The following GALNT18 variants were observed in gnomAD, a reference collection of about 807,000 sequenced individuals.
GALNT18 encodes GalNAc-transferase 18.
GALNT18 carries 44 observed loss-of-function variants against 69.5 expected under a neutral mutation model. The observed-to-expected ratio is 0.63, with a 90% CI of 0.50 to 0.81. The LOEUF (loss-of-function observed/expected upper bound fraction) is 0.81. Ranked by LOEUF, GALNT18 falls within the 40% of genes least tolerant of loss-of-function variation. The pLI, the probability that GALNT18 is intolerant of heterozygous loss-of-function variation, is 0.00. For missense variants in GALNT18, 715 were observed against 810.0 expected (o/e 0.88, Z 1.42); for synonymous variants, 364 against 318.2 (o/e 1.14, Z -1.53).
intron 2 of GALNT18, among the ~76,000 whole-genome samples, chr11:11,434,230 G>A (rs140825327): frequency 3.3e-5 from 5 of 152,208 alleles, no homozygotes; most frequent in East Asian, 1.9e-4. Flanking sequence ...CTTCTCTCTC[G>A]CCAGAGAGGA....
chr11:11,350,779 G>C (rs961912359), intron 6 of GALNT18, among the ~76,000 whole-genome samples: 2 of 152,200 alleles, frequency 1.3e-5, no homozygotes, highest in Non-Finnish European at 2.9e-5. Flanking sequence ...AAGCCAGGGT[G>C]AACTTGAAGT....
intron 10 of GALNT18, among the ~76,000 whole-genome samples, chr11:11,286,315 T>G (rs937746729): frequency 1.3e-5 from 2 of 152,234 alleles, no homozygotes; most frequent in Non-Finnish European, 2.9e-5. Flanking sequence ...TCTGAGGTGA[T>G]CGGAAGAAGT....
rs76178933 is a variant in GALNT18 at position 11,598,563 on chromosome 11, C to T, written c.235+22796G>A. 6.6e-3 allele frequency among the ~76,000 whole-genome samples: 1,008 copies of T among 152,224 alleles called. 11 individuals carry two copies. Among genetic ancestry groups the T allele is most frequent in the African/African-American group, 0.023 (972 of 41,530 alleles). ...CTCATCTGAATAATCCAGGATAAAC[C>T]CATCATCTCAAAACCTTAACTAATT... On this transcript the variant is annotated intron_variant, in intron 1 of 10. Coordinates refer to ENST00000227756, the MANE Select transcript of GALNT18 (RefSeq NM_198516.3). This position sits in a 1 kb window ranked among gnomAD's most constrained non-coding sequence, Gnocchi z 4.8.
Position 11,541,731 on chromosome 11 carries a change from G to A in GALNT18, c.235+79628C>T, listed in dbSNP as rs1160594325. ...CCCCAAAGCGTCGCTAGTAGCCTTG[G>A]GGATTCCTCCCTTCAGCCAAGCCTC... On this transcript the variant is annotated intron_variant, in intron 1 of 10. Coordinates refer to ENST00000227756, the MANE Select transcript of GALNT18 (RefSeq NM_198516.3). This position sits in a 1 kb window ranked among gnomAD's most constrained non-coding sequence, Gnocchi z 4.8. Among the ~76,000 whole-genome samples the A allele has an allele frequency of 6.6e-6, 1 of 151,474 alleles. No homozygotes were observed. The highest frequency in any genetic ancestry group is 1.5e-5 in the Non-Finnish European group (1 of 67,938).
intron 3 of GALNT18, among the ~76,000 whole-genome samples, chr11:11,400,657 C>G (rs1854440976): frequency 6.6e-6 from 1 of 152,200 alleles, no homozygotes; most frequent in Admixed American, 6.5e-5. Context: ...TGTCTTCTTG[C>G]TGTGTCCTCA....
intron 3 of GALNT18, among the ~76,000 whole-genome samples, chr11:11,400,156 A>G (rs1854427959): frequency 1.3e-5 from 2 of 151,948 alleles, no homozygotes; most frequent in Admixed American, 6.6e-5. Flanking sequence ...CTGCCATGTC[A>G]TGAGAAAAGA....
chr11:11,507,681 T>C (rs1417197473), intron 1 of GALNT18, among the ~76,000 whole-genome samples: 5 of 152,254 alleles, frequency 3.3e-5, no homozygotes, highest in African/African-American at 1.2e-4. Flanking sequence ...TAATATTTCA[T>C]GTCAACTTGA....
rs140654959 is a variant in GALNT18, at chr11:11,555,441, A to C, written c.235+65918T>G. ...ATCAGCCCAGGAGTGGCCACGTGCC[A>C]GCAGGCGTGCAGCTTAAAACACAGG... On this transcript the variant is annotated intron_variant, in intron 1 of 10. Transcript: ENST00000227756. This position sits in a 1 kb window ranked among gnomAD's most constrained non-coding sequence, Gnocchi z 4.7. Among the ~76,000 whole-genome samples, 28 of 152,350 alleles carry C rather than the reference A, an allele frequency of 1.8e-4. No individual in the cohort carries two copies. The East Asian group carries it at 5.4e-3, about 29-fold the overall frequency.
In GALNT18 at chr11:11,586,435, T is replaced by G. The variant is rs958459633; in HGVS notation, c.235+34924A>C. Among the ~76,000 whole-genome samples the G allele has an allele frequency of 2.6e-5, 4 of 152,162 alleles. No homozygotes were observed. Among genetic ancestry groups the G allele is most frequent in the Non-Finnish European group, 5.9e-5 (4 of 68,030 alleles). ...AAAGGAGTCCTAAGACCAAAAAGTT[T>G]GAAAACTTCTGGCTTAAACTATAGC... On this transcript the variant is annotated intron_variant, in intron 1 of 10. Coordinates refer to ENST00000227756, the MANE Select transcript of GALNT18 (RefSeq NM_198516.3). This position sits in a 1 kb window ranked among gnomAD's most constrained non-coding sequence, Gnocchi z 4.1.
intron 9 of GALNT18, among the ~76,000 whole-genome samples, chr11:11,312,244 C>T (rs11021784): frequency 0.088 from 13,420 of 152,210 alleles, 760 homozygotes; most frequent in Non-Finnish European, 0.13. Context: ...CCACCACGCC[C>T]GGCCCATGTA....
intron 6 of GALNT18, among the ~76,000 whole-genome samples, chr11:11,360,136 T>C (rs1306524104): frequency 6.6e-6 from 1 of 152,196 alleles, no homozygotes; most frequent in Admixed American, 6.5e-5. Context: ...CCTGCTTCTG[T>C]TGCCCAAGAG....
At chr11:11,279,429 C>T (rs1380470591) in intron 10 of GALNT18, among the ~76,000 whole-genome samples, 1 of 152,174 alleles carries the variant, frequency 6.6e-6, no homozygotes, top group African/African-American at 2.4e-5. Flanking sequence ...CCCAACACTT[C>T]TATCAGAAAC....
At chr11:11,374,446 A>G (rs1850989504) in intron 5 of GALNT18, among the ~76,000 whole-genome samples, 1 of 152,248 alleles carries the variant, frequency 6.6e-6, no homozygotes, top group Non-Finnish European at 1.5e-5. Context: ...TAAATACGTG[A>G]TGATTCAGAA....
chr11:11,513,863 T>C (rs7934617), intron 1 of GALNT18, among the ~76,000 whole-genome samples: 23,109 of 152,184 alleles, frequency 0.15, 1,908 homozygotes, highest in South Asian at 0.22. Flanking sequence ...AATGTGTTTC[T>C]AGGCAGCTAC....
At chr11:11,379,487 C>A (rs1221085748) in intron 3 of GALNT18, among the ~76,000 whole-genome samples, 4 of 152,134 alleles carry the variant, frequency 2.6e-5, no homozygotes, top group African/African-American at 9.7e-5. Context: ...TTCTGAGGTC[C>A]AGCAATGCAC....
rs768250186 is a variant in GALNT18 at position 11,382,388 on chromosome 11, C to T, written c.596-3124G>A. 3.9e-5 allele frequency among the ~76,000 whole-genome samples: 6 copies of T among 152,182 alleles called. No individual in the cohort carries two copies. The South Asian group carries it at 6.2e-4, about 16-fold the overall frequency. On this transcript the variant is annotated intron_variant, in intron 3 of 10. Coordinates refer to ENST00000227756, the MANE Select transcript of GALNT18 (RefSeq NM_198516.3). The surrounding 1 kb of genome is among the most constrained non-coding windows in gnomAD (Gnocchi z 4.3). ...AAGAACTATCCCAAAAATACTTCTG[C>T]GTTGGCTGGAAAATTGCTTTCCAAA...
rs1268668089 is a variant in GALNT18 at position 11,383,027 on chromosome 11, T to C, written c.596-3763A>G. 6.6e-6 allele frequency among the ~76,000 whole-genome samples: 1 copy of C among 152,110 alleles called. No homozygotes were observed. Among genetic ancestry groups the C allele is most frequent in the East Asian group, 1.9e-4 (1 of 5,182 alleles). On this transcript the variant is annotated intron_variant, in intron 3 of 10. Transcript: ENST00000227756. This position sits in a 1 kb window ranked among gnomAD's most constrained non-coding sequence, Gnocchi z 5.2. ...ATCCTGCTTATGTTGCTACTTCAGCTCTCTCCTACTGTCCACAAATCCCTG... is the reference window on the plus strand; with the variant it reads ...ATCCTGCTTATGTTGCTACTTCAGCCCTCTCCTACTGTCCACAAATCCCTG...
At chr11:11,536,400 C>A (rs1857773734) in intron 1 of GALNT18, among the ~76,000 whole-genome samples, 1 of 152,244 alleles carries the variant, frequency 6.6e-6, no homozygotes, top group East Asian at 1.9e-4. Context: ...CTCTAAAGCC[C>A]CAGTGCTAAG....
chr11:11,393,090 G>A (rs1025997206), intron 3 of GALNT18, among the ~76,000 whole-genome samples: 1 of 152,218 alleles, frequency 6.6e-6, no homozygotes, highest in Non-Finnish European at 1.5e-5. Context: ...AGGCAGTCCA[G>A]CAGCGAAGTG....
Sources: allele counts gnomAD v4.1 joint callset (sites outside exome capture counted in the v4.1 genomes callset), GRCh38; gene constraint gnomAD v4.1.1; non-coding constraint Gnocchi (gnomAD v3.1); transcripts MANE v1.5; gene names NCBI Gene and HGNC (gene_info 2026-07-23, HGNC 2026-07-21).